HMGB1: variants seen among roughly 807,000 people sequenced by gnomAD.
The protein encoded by HMGB1 is high mobility group protein B1.
For missense variants in HMGB1, 79 were observed against 253.5 expected, an observed-to-expected ratio of 0.31 and a Z score of 4.67; for synonymous variants, 81 against 84.0, an observed-to-expected ratio of 0.96 and a Z score of 0.19.
At chr13:30,558,767 A>G (rs895565634) in intron 1 of HMGB1, among the ~76,000 whole-genome samples, 4 of 152,160 alleles carry the variant, frequency 2.6e-5, no homozygotes, top group Admixed American at 1.3e-4. Context: ...CCCTAGAGCA[A>G]TAGTTTTCAA....
intron 1 of HMGB1, among the ~76,000 whole-genome samples, chr13:30,475,821 G>C (rs896746686): frequency 2.0e-5 from 3 of 152,170 alleles, no homozygotes; most frequent in African/African-American, 7.2e-5. Flanking sequence ...TTCCACATGG[G>C]GAGGATGGTT....
chr13:30,531,671 G>A (rs1036432670), intron 1 of HMGB1, among the ~76,000 whole-genome samples: 1 of 151,746 alleles, frequency 6.6e-6, no homozygotes, highest in Non-Finnish European at 1.5e-5. Flanking sequence ...AGGCCGAGGT[G>A]GGCGGATCAC....
intron 1 of HMGB1, among the ~76,000 whole-genome samples, chr13:30,615,339 GTTGGA>G (rs1950550674): frequency 6.6e-6 from 1 of 152,156 alleles, no homozygotes; most frequent in South Asian, 2.1e-4. Flanking sequence ...AAACCCAAGG[GTTGGA>G]TGTGTTTTAG....
intron 1 of HMGB1, among the ~76,000 whole-genome samples, chr13:30,596,666 C>T (rs1487481189): frequency 6.6e-6 from 1 of 152,212 alleles, no homozygotes; most frequent in Non-Finnish European, 1.5e-5. Flanking sequence ...TGCAAGTATG[C>T]TTAGATACTC....
chr13:30,495,591 G>A (rs1429554102), intron 1 of HMGB1, among the ~76,000 whole-genome samples: 5 of 150,544 alleles, frequency 3.3e-5, no homozygotes, highest in African/African-American at 1.2e-4. Context: ...CCATTCTCCC[G>A]CCTCAGCCTC....
At chr13:30,595,287 G>A (rs1249442792) in intron 1 of HMGB1, among the ~76,000 whole-genome samples, 1 of 152,046 alleles carries the variant, frequency 6.6e-6, no homozygotes, top group Non-Finnish European at 1.5e-5. Flanking sequence ...AAATAAAATG[G>A]TAGAGGTAAT....
intron 1 of HMGB1, among the ~76,000 whole-genome samples, chr13:30,498,021 G>A (rs1394475287): frequency 6.6e-6 from 1 of 152,140 alleles, no homozygotes; most frequent in Non-Finnish European, 1.5e-5. Context: ...TAAGTTCTTT[G>A]AGGAATCGCC....
intron 1 of HMGB1, among the ~76,000 whole-genome samples, chr13:30,471,826 G>A (rs1886951663): frequency 6.7e-6 from 1 of 149,806 alleles, no homozygotes; most frequent in African/African-American, 2.5e-5. Context: ...GCACCACCAC[G>A]CCTGGCTAAT....
At chr13:30,519,921 C>T (rs767661730) in intron 1 of HMGB1, among the ~76,000 whole-genome samples, 123 of 152,166 alleles carry the variant, frequency 8.1e-4, no homozygotes, top group Non-Finnish European at 1.5e-3. Context: ...CCATTTTATA[C>T]TTTTTGAAAT....
exon 1 of HMGB1, chr13:30,617,563 AG>A (rs1439912757): frequency 6.6e-6 from 1 of 152,232 alleles, no homozygotes; most frequent in Non-Finnish European, 1.5e-5. Context: ...ACGCGCAAGC[AG>A]GTCTCTTTCG....
At chr13:30,605,263 G>A (rs1950446345) in intron 1 of HMGB1, among the ~76,000 whole-genome samples, 1 of 152,162 alleles carries the variant, frequency 6.6e-6, no homozygotes, top group Non-Finnish European at 1.5e-5. Context: ...TGAAGTTCAG[G>A]GGAGAGGCTG....
At chr13:30,561,248 T>A (rs1035965222) in intron 1 of HMGB1, among the ~76,000 whole-genome samples, 1 of 152,192 alleles carries the variant, frequency 6.6e-6, no homozygotes, top group African/African-American at 2.4e-5. Flanking sequence ...ACAGTGACTT[T>A]CTAGTCTGGA....
chr13:30,467,861 G>T (rs1175462245), upstream of HMGB1, among the ~76,000 whole-genome samples: 2 of 152,202 alleles, frequency 1.3e-5, no homozygotes, highest in African/African-American at 4.8e-5. Context: ...TTTACTGGTT[G>T]TCTATACCAG....
intron 4 of HMGB1, chr13:30,462,301 A>G (rs1343466011): frequency 5.7e-6 from 3 of 530,522 alleles, no homozygotes; most frequent in Non-Finnish European, 1.0e-5. Flanking sequence ...ACTTCAAGAT[A>G]CTGGGGAATA....
At chr13:30,505,401 A>C (rs546061026) in intron 1 of HMGB1, among the ~76,000 whole-genome samples, 4 of 150,832 alleles carry the variant, frequency 2.7e-5, no homozygotes, top group African/African-American at 9.9e-5. Context: ...GATGGTCTCC[A>C]TCTCCTGACC....
At chr13:30,528,336 T>C (rs1002803237) in intron 1 of HMGB1, among the ~76,000 whole-genome samples, 1 of 152,154 alleles carries the variant, frequency 6.6e-6, no homozygotes, top group Admixed American at 6.5e-5. Flanking sequence ...ATTTGTACCA[T>C]TCAGAAGGGA....
Position 30,463,867 on chromosome 13 carries a change from C to T in HMGB1, c.-14-173G>A, listed in dbSNP as rs1258206669. Reference sequence around the variant, plus strand: ...CGAGAGATTAAATTCCTTGAAGGGGCTATGCCAAGCAAACAAAACAAAACA... The same window carrying T: ...CGAGAGATTAAATTCCTTGAAGGGGTTATGCCAAGCAAACAAAACAAAACA... On this transcript the variant is annotated intron_variant, in intron 1 of 4. Transcript: ENST00000341423. 4.2e-5 allele frequency: 23 copies of T among 551,302 alleles called. No homozygotes were observed. In the East Asian group the frequency reaches 7.1e-4, roughly 17 times the overall value. 34.2% of individuals were successfully genotyped at this position (551,302 alleles called of 1,614,324 possible). A position where few individuals can be genotyped will look rare whatever the true frequency, so the allele number is the denominator to read the frequency against.
intron 1 of HMGB1, chr13:30,464,296 G>A: frequency 4.1e-6 from 4 of 985,534 alleles, no homozygotes; most frequent in Non-Finnish European, 4.8e-6. Flanking sequence ...TTTCCTATCG[G>A]TTTGGCCCTG....
intron 1 of HMGB1, among the ~76,000 whole-genome samples, chr13:30,491,984 A>C (rs953967995): frequency 2.6e-5 from 4 of 151,736 alleles, no homozygotes; most frequent in Non-Finnish European, 4.4e-5. Context: ...CTGGCTAACA[A>C]GGTGAAACCC....
Sources: gnomAD v4.1 joint callset for allele counts (sites outside exome capture counted in the v4.1 genomes callset) on GRCh38, gnomAD v4.1.1 for gene constraint, MANE v1.5 for transcripts, NCBI Gene and HGNC (gene_info 2026-07-23, HGNC 2026-07-21) for gene names.